The following ESF1 variants were observed in gnomAD, a reference collection of about 807,000 sequenced individuals.
The protein encoded by ESF1 is ESF1 homolog.
ESF1 carries 58 observed loss-of-function variants against 92.0 expected under a neutral mutation model. The observed-to-expected ratio is 0.63, with a 90% CI of 0.51 to 0.78. The LOEUF is 0.78. Among genes scored for constraint, ESF1 ranks in the 30% least tolerant of loss-of-function variants. ESF1 has a pLI of 0.00. For missense variants in ESF1, 922 were observed against 989.1 expected (o/e 0.93, Z 0.91); for synonymous variants, 321 against 313.7 (o/e 1.02, Z -0.24).
At chr20:13,718,007 G>A (rs939454581) in intron 12 of ESF1, among the ~76,000 whole-genome samples, 2 of 150,790 alleles carry the variant, frequency 1.3e-5, no homozygotes, top group African/African-American at 4.9e-5. Flanking sequence ...TTCTATGAAG[G>A]TAGGACCTTA....
intron 3 of ESF1, among the ~76,000 whole-genome samples, 173 bp from the exon 4 acceptor site, chr20:13,775,443 T>C (rs78633569): frequency 0.023 from 3,531 of 152,280 alleles, 65 homozygotes; most frequent in Non-Finnish European, 0.032. Context: ...AGCCAAACAA[T>C]AGTAAAACCA....
At chr20:13,772,417 A>C in intron 5 of ESF1, 98 bp downstream of exon 5, 1 of 870,030 alleles carries the variant, frequency 1.1e-6, no homozygotes, top group Non-Finnish European at 1.9e-6. Flanking sequence ...GAATGGCACA[A>C]GTATAAACTT....
At position 13,746,848 on chromosome 20, in the gene ESF1, A is replaced by T. The variant is rs772534278; in HGVS notation, c.1828+12844T>A. On this transcript the variant is annotated intron_variant, in intron 9 of 13. Transcript: ENST00000617257. ...ATTCAAACTTGATTTTTCTTCTTGC[A>T]ATCTAAATATTTTCTTCCATATTTA... 3.8e-4 allele frequency among the ~76,000 whole-genome samples: 58 copies of T among 152,250 alleles called. 1 individual carries two copies. Among genetic ancestry groups the T allele is most frequent in the Non-Finnish European group, 7.6e-4 (52 of 68,048 alleles).
At chr20:13,765,068 C>A (rs531316509) in intron 8 of ESF1, among the ~76,000 whole-genome samples, 1 of 152,106 alleles carries the variant, frequency 6.6e-6, no homozygotes, top group African/African-American at 2.4e-5. Flanking sequence ...ACTAAAAACA[C>A]AAAAATTACC....
chr20:13,741,111 C>G (rs1367074785), intron 9 of ESF1, among the ~76,000 whole-genome samples: 1 of 152,106 alleles, frequency 6.6e-6, no homozygotes, highest in Non-Finnish European at 1.5e-5. Context: ...TCTTGTCCCC[C>G]TAATATCCCA....
intron 9 of ESF1, among the ~76,000 whole-genome samples, chr20:13,738,297 G>A (rs1467240803): frequency 2.0e-5 from 3 of 148,044 alleles, no homozygotes; most frequent in African/African-American, 5.0e-5. Context: ...ATGAACTTCT[G>A]TAAATCCCTC....
rs1979876737 is a variant in ESF1 at position 13,775,252 on chromosome 20, C to G, written c.1054G>C (p.Val352Leu). ...AATCTATCCCAGTCCATGTTACAAA[C>G]TGCTAATCGACGTGTAATCTGAGAA... The part of the protein sequence containing the change: ...RADEITRRLA[V>L]CNMDWDRLKA... The change falls in exon 4 of 14, where the codon GTT (valine) becomes CTT (leucine). Residue 352 changes from valine to leucine, a missense_variant. Coordinates refer to ENST00000617257, the MANE Select transcript of ESF1 (RefSeq NM_001276380.2). 6.2e-7 allele frequency: 1 copy of G among 1,605,280 alleles called. No individual in the cohort carries two copies. Among genetic ancestry groups the G allele is most frequent in the African/African-American group, 1.3e-5 (1 of 74,576 alleles).
chr20:13,724,002 A>T (rs1350266465), intron 11 of ESF1, among the ~76,000 whole-genome samples: 1 of 152,226 alleles, frequency 6.6e-6, no homozygotes, highest in African/African-American at 2.4e-5. Context: ...CATTTTAAAA[A>T]TTACAAACTG....
intron 1 of ESF1, 117 bp downstream of exon 1, chr20:13,784,763 C>A (rs1351019387): frequency 4.7e-6 from 2 of 421,186 alleles, no homozygotes; most frequent in South Asian, 2.5e-5. Flanking sequence ...AGGGGCAAAA[C>A]CCCTCGCAGA....
intron 7 of ESF1, among the ~76,000 whole-genome samples, chr20:13,767,702 A>C (rs1057178649): frequency 6.6e-6 from 1 of 152,318 alleles, no homozygotes; most frequent in Admixed American, 6.5e-5. Context: ...AAAAGCATCT[A>C]TTAGTTGGAA....
intron 9 of ESF1, among the ~76,000 whole-genome samples, chr20:13,742,308 T>C (rs1483905820): frequency 6.6e-6 from 1 of 151,982 alleles, no homozygotes; most frequent in African/African-American, 2.4e-5. Flanking sequence ...CCGTCTCTAC[T>C]AAAAATACAA....
chr20:13,770,307 A>G (rs889274564), intron 6 of ESF1, among the ~76,000 whole-genome samples: 5 of 152,228 alleles, frequency 3.3e-5, no homozygotes, highest in African/African-American at 4.8e-5. Context: ...GTGCAAGCAC[A>G]TGTGGGTCCC....
At chr20:13,770,126 A>C in intron 6 of ESF1, 105 bp from the exon 7 acceptor site, 1 of 635,090 alleles carries the variant, frequency 1.6e-6, no homozygotes, top group Non-Finnish European at 2.7e-6. Context: ...AAACTTTCTA[A>C]AAGACACACG....
intron 1 of ESF1, among the ~76,000 whole-genome samples, chr20:13,784,280 AG>A (rs1980490180): frequency 2.1e-4 from 9 of 42,550 alleles, no homozygotes; most frequent in African/African-American, 5.5e-4. Flanking sequence ...TTGATTATTA[AG>A]CAACCCCCCC....
intron 8 of ESF1, among the ~76,000 whole-genome samples, chr20:13,762,698 TATTC>T (rs1461563681): frequency 6.6e-6 from 1 of 152,144 alleles, no homozygotes; most frequent in Non-Finnish European, 1.5e-5. Context: ...TAACCAGAAA[TATTC>T]AGTAGCTTTA....
intron 2 of ESF1, among the ~76,000 whole-genome samples, chr20:13,780,284 A>G (rs1980120122): frequency 6.6e-6 from 1 of 152,222 alleles, no homozygotes; most frequent in Admixed American, 6.5e-5. Flanking sequence ...GATATGTAAA[A>G]AAGTCTGTAA....
intron 6 of ESF1, among the ~76,000 whole-genome samples, chr20:13,770,378 T>A (rs970922993): frequency 7.9e-5 from 12 of 152,208 alleles, no homozygotes; most frequent in African/African-American, 2.7e-4. Context: ...GATTTTGTTG[T>A]TGTTTTTACA....
At chr20:13,773,373 T>C (rs1211315920) in intron 4 of ESF1, among the ~76,000 whole-genome samples, 2 of 152,256 alleles carry the variant, frequency 1.3e-5, no homozygotes, top group Non-Finnish European at 2.9e-5. Flanking sequence ...ATAATATATA[T>C]GTAGTCACAT....
At position 13,733,778 on chromosome 20, in the gene ESF1, AG is replaced by A. The variant is rs140106821; in HGVS notation, c.1892del (p.Pro631LeufsTer6). 6.2e-7 allele frequency: 1 copy of A among 1,613,068 alleles called. No individual in the cohort carries two copies. The highest frequency in any genetic ancestry group is 1.3e-5 in the African/African-American group (1 of 74,886). On this transcript the variant is annotated frameshift_variant, in exon 10 of 14. Transcript: ENST00000617257. LOFTEE classifies it high-confidence loss of function. ...TCTTCTTCTCTAAAAATTGTTCCCA[AG>A]GGGTCAGTTTATCCTTTCCTTCCAA... ...NKLEGKDKLT[P>X]WEQFLEKKKE...
Sources: allele counts gnomAD v4.1 joint callset (sites outside exome capture counted in the v4.1 genomes callset), GRCh38; gene constraint gnomAD v4.1.1; transcripts MANE v1.5; gene names NCBI Gene and HGNC (gene_info 2026-07-23, HGNC 2026-07-21).